Variants in EML4 observed in about 807,000 individuals in gnomAD.
The protein encoded by EML4 is echinoderm microtubule-associated protein-like 4.
EML4 carries 72 observed loss-of-function variants against 129.0 expected under a neutral mutation model. The observed-to-expected ratio is 0.56, with a 90% CI of 0.46 to 0.68. The LOEUF (loss-of-function observed/expected upper bound fraction) is 0.68. Ranked by LOEUF, EML4 falls within the 30% of genes least tolerant of loss-of-function variation. The probability of loss-of-function intolerance (pLI) is 0.00; values close to 1 mark genes in which losing one functional copy is unlikely to be tolerated. For synonymous variants in EML4, 532 were observed against 405.0 expected, an observed-to-expected ratio of 1.31 and a Z score of -3.77; for missense variants, 1,363 against 1,190.6, an observed-to-expected ratio of 1.14 and a Z score of -2.13.
chr2:42,216,695 A>G (rs1489974794), intron 1 of EML4, among the ~76,000 whole-genome samples: 1 of 152,198 alleles, frequency 6.6e-6, no homozygotes, highest in Non-Finnish European at 1.5e-5. Context: ...TGACATTTTA[A>G]AGATTATTAT....
At chr2:42,329,053 CT>C in intron 22 of EML4, 37 bp downstream of exon 22, 2 of 1,590,424 alleles carry the variant, frequency 1.3e-6, no homozygotes, top group Non-Finnish European at 1.7e-6. Flanking sequence ...GTTATAAGGC[CT>C]TCTGTCCAGG....
At chr2:42,227,946 A>G (rs1470636981) in intron 1 of EML4, among the ~76,000 whole-genome samples, 4 of 152,226 alleles carry the variant, frequency 2.6e-5, no homozygotes, top group Non-Finnish European at 5.9e-5. Flanking sequence ...TAGGCCGGGC[A>G]CAGTGGCTCA....
Position 42,256,413 on chromosome 2 carries a change from C to G in EML4, c.209-88C>G, listed in dbSNP as rs567839194. 4.5e-6 allele frequency: 6 copies of G among 1,347,322 alleles called. No individual in the cohort carries two copies. The South Asian group carries it at 7.5e-5, about 17-fold the overall frequency. The allele number at this position is 1,347,322 out of a possible 1,614,324, so 83.5% of individuals were successfully genotyped here. On this transcript the variant is annotated intron_variant, in intron 2 of 22. Coordinates refer to ENST00000318522, the MANE Select transcript of EML4 (RefSeq NM_019063.5). Reference sequence around the variant, plus strand: ...TACTTAATTTTTTTTCTACCACCCCCTCCTTCCAAATGGACTTAATTTTAA... The same window carrying G: ...TACTTAATTTTTTTTCTACCACCCCGTCCTTCCAAATGGACTTAATTTTAA...
At position 42,208,208 on chromosome 2, in the gene EML4, G is replaced by A. The variant is rs191927869; in HGVS notation, c.26-37297G>A. On this transcript the variant is annotated intron_variant, in intron 1 of 22. Coordinates refer to ENST00000318522, the MANE Select transcript of EML4 (RefSeq NM_019063.5). Reference sequence around the variant, plus strand: ...ATAAAGGACAGTGGCCATAAGGTGAGTAAATGCAGAGTGAGTATTCAGATT... The same window carrying A: ...ATAAAGGACAGTGGCCATAAGGTGAATAAATGCAGAGTGAGTATTCAGATT... 3.3e-4 allele frequency: 51 copies of A among 152,268 alleles called. 1 individual carries two copies. Among genetic ancestry groups the A allele is most frequent in the African/African-American group, 1.2e-3 (48 of 41,550 alleles). The allele number at this position is 152,268 out of a possible 1,614,324, so 9.4% of individuals were successfully genotyped here.
chr2:42,316,543 G>C (rs1011835239), intron 18 of EML4, among the ~76,000 whole-genome samples: 2 of 152,176 alleles, frequency 1.3e-5, no homozygotes, highest in African/African-American at 4.8e-5. Flanking sequence ...TTCTCTATAA[G>C]AATTTGATAT....
intron 2 of EML4, among the ~76,000 whole-genome samples, chr2:42,253,403 G>C (rs1675904805): frequency 6.6e-6 from 1 of 152,164 alleles, no homozygotes; most frequent in Non-Finnish European, 1.5e-5. Context: ...ACAATTGATA[G>C]TGTCTTACAG....
In EML4 at chr2:42,282,951, G is replaced by C; in HGVS notation, c.920G>C (p.Gly307Ala). 1.9e-6 allele frequency: 3 copies of C among 1,613,422 alleles called. No individual in the cohort carries two copies. The highest frequency in any genetic ancestry group is 2.5e-6 in the Non-Finnish European group (3 of 1,179,754). Residue 307 changes from glycine (G) to alanine (A), a missense_variant, in exon 8 of 23, where the codon GGC (glycine) becomes GCC (alanine). Coordinates refer to ENST00000318522, the MANE Select transcript of EML4 (RefSeq NM_019063.5). ...YEERTQRHYL[G>A]HTDCVKCLAI... ...GAGAGAACTCAGCGACACTACCTGG[G>C]CCATACAGACTGTGTGAAATGGTTG...
At position 42,330,483 on chromosome 2, in the gene EML4, T is replaced by G; in HGVS notation, c.*276T>G. The G allele has an allele frequency of 1.3e-5, 7 of 522,970 alleles. No homozygotes were observed. The South Asian group carries it at 1.4e-4, about 11-fold the overall frequency. The allele number at this position is 522,970 out of a possible 1,614,324, so 32.4% of individuals were successfully genotyped here. On this transcript the variant is annotated 3_prime_UTR_variant, in exon 23 of 23. Transcript: ENST00000318522. ...ATTACTGTGTACCTAAGTGGTGTGA[T>G]GTAAATACTGGAAACAAAAACAGCA...
intron 1 of EML4, among the ~76,000 whole-genome samples, chr2:42,220,258 A>G (rs1673498570): frequency 9.2e-6 from 1 of 108,916 alleles, no homozygotes; most frequent in Non-Finnish European, 1.9e-5. Context: ...TTTTTTTTTT[A>G]CAAATTGAAG....
At chr2:42,295,660 A>G (rs1372720326) in intron 13 of EML4, 144 bp downstream of exon 13, 1 of 641,632 alleles carries the variant, frequency 1.6e-6, no homozygotes, top group Non-Finnish European at 2.5e-6. Context: ...AGCATTCTTC[A>G]TAATCTTTTT....
intron 1 of EML4, among the ~76,000 whole-genome samples, chr2:42,188,468 A>G (rs755098458): frequency 7.9e-5 from 12 of 151,968 alleles, no homozygotes; most frequent in Non-Finnish European, 1.5e-4. Flanking sequence ...GTGATCCGCC[A>G]GTCTCAGCCT....
intron 11 of EML4, among the ~76,000 whole-genome samples, chr2:42,291,198 C>A (rs1318320324): frequency 6.6e-6 from 1 of 151,992 alleles, no homozygotes; most frequent in African/African-American, 2.4e-5. Context: ...AAAAAAATTA[C>A]CTTGACCCCT....
chr2:42,249,924 A>G (rs1459774828), intron 2 of EML4, among the ~76,000 whole-genome samples: 1 of 152,148 alleles, frequency 6.6e-6, no homozygotes, highest in African/African-American at 2.4e-5. Flanking sequence ...ATCCCTGCCA[A>G]AAGAAAAAAA....
chr2:42,315,510 A>T (rs1396567451), intron 17 of EML4, among the ~76,000 whole-genome samples: 2 of 152,192 alleles, frequency 1.3e-5, no homozygotes, highest in African/African-American at 4.8e-5. Context: ...TTGCTAAATG[A>T]ATTTATCCTT....
intron 6 of EML4, among the ~76,000 whole-genome samples, chr2:42,275,308 A>G (rs1426065660): frequency 1.3e-5 from 2 of 152,228 alleles, no homozygotes; most frequent in Admixed American, 6.5e-5. Flanking sequence ...GTATATCTCA[A>G]TTCAGACTAG....
chr2:42,243,776 C>G (rs1175780978), intron 1 of EML4, among the ~76,000 whole-genome samples: 1 of 152,054 alleles, frequency 6.6e-6, no homozygotes, highest in Non-Finnish European at 1.5e-5. Context: ...GTTTACTGTT[C>G]CATAATGTAA....
In EML4 at chr2:42,317,571, C is replaced by T. The variant is rs114943085; in HGVS notation, c.2154+47C>T. On this transcript the variant is annotated intron_variant, in intron 19 of 22. Coordinates refer to ENST00000318522, the MANE Select transcript of EML4 (RefSeq NM_019063.5). Reference sequence around the variant, plus strand: ...GTTGTAAAATTATTGGGAAATTTTACTTCCGTTAAAAACAAATTTTTACAT... The same window carrying T: ...GTTGTAAAATTATTGGGAAATTTTATTTCCGTTAAAAACAAATTTTTACAT... 11 of 1,401,498 alleles carry T rather than the reference C, an allele frequency of 7.8e-6. No individual in the cohort carries two copies. The South Asian group carries it at 1.1e-4, about 14-fold the overall frequency. 86.8% of individuals were successfully genotyped at this position (1,401,498 alleles called of 1,614,324 possible).
At chr2:42,203,331 T>C (rs2103976089) in intron 1 of EML4, among the ~76,000 whole-genome samples, 1 of 152,358 alleles carries the variant, frequency 6.6e-6, no homozygotes, top group Middle Eastern at 3.4e-3. Context: ...CCATCTGTGG[T>C]AGCCCTTTTT....
chr2:42,232,967 C>G (rs1674441209), intron 1 of EML4, among the ~76,000 whole-genome samples: 1 of 152,190 alleles, frequency 6.6e-6, no homozygotes. Flanking sequence ...CGTGATCCCC[C>G]TGCCTCACCC....
Sources: allele counts gnomAD v4.1 joint callset (sites outside exome capture counted in the v4.1 genomes callset), GRCh38; gene constraint gnomAD v4.1.1; transcripts MANE v1.5; gene names NCBI Gene and HGNC (gene_info 2026-07-23, HGNC 2026-07-21).